SPATA22: variants seen among roughly 807,000 people sequenced by gnomAD.
The protein encoded by SPATA22 is spermatogenesis-associated protein 22.
A neutral mutation model predicts 47.8 loss-of-function variants in SPATA22; 29 were observed. The ratio of observed to expected loss-of-function variants is 0.61; its 90% CI spans 0.45 to 0.83. The LOEUF (loss-of-function observed/expected upper bound fraction) is 0.83. Among genes scored for constraint, SPATA22 ranks in the 40% least tolerant of loss-of-function variants. The probability of loss-of-function intolerance (pLI) is 0.00; values close to 1 mark genes in which losing one functional copy is unlikely to be tolerated. For synonymous variants in SPATA22, 133 were observed against 140.9 expected (o/e 0.94, Z 0.40); for missense variants, 410 against 421.7 (o/e 0.97, Z 0.24).
At chr17:3,468,889 G>T in intron 2 of SPATA22, 1 of 943,092 alleles carries the variant, frequency 1.1e-6, no homozygotes, top group Non-Finnish European at 1.3e-6. Flanking sequence ...CTTGCCATCT[G>T]TCTTTATACT....
At chr17:3,472,998 C>A (rs2073466995), upstream of SPATA22, among the ~76,000 whole-genome samples, 1 of 151,644 alleles carries the variant, frequency 6.6e-6, no homozygotes, top group Admixed American at 6.6e-5. Flanking sequence ...AGAGGAGTTA[C>A]CCAAAACATG....
intron 1 of SPATA22, among the ~76,000 whole-genome samples, chr17:3,505,582 C>A (rs2074032889): frequency 6.6e-6 from 1 of 152,100 alleles, no homozygotes; most frequent in South Asian, 2.1e-4. Context: ...TGGGGAAACC[C>A]TGAAGCCTGA....
chr17:3,451,814 G>C (rs1002133750), intron 5 of SPATA22, among the ~76,000 whole-genome samples: 1 of 151,890 alleles, frequency 6.6e-6, no homozygotes, highest in African/African-American at 2.4e-5. Flanking sequence ...GAGTGTGGTG[G>C]CATGCACCTG....
At chr17:3,497,657 T>C (rs2073931308) in intron 1 of SPATA22, among the ~76,000 whole-genome samples, 2 of 152,338 alleles carry the variant, frequency 1.3e-5, no homozygotes, top group South Asian at 4.1e-4. Context: ...GCCACCAGGA[T>C]GGAGAAAACT....
rs563539635 is a variant in SPATA22 at position 3,449,020 on chromosome 17, T to A, written c.459A>T (p.Gln153His). The A allele has an allele frequency of 6.2e-7, 1 of 1,614,072 alleles. No individual in the cohort carries two copies. Among genetic ancestry groups the A allele is most frequent in the South Asian group, 1.1e-5 (1 of 91,078 alleles). Reference sequence around the variant, plus strand: ...CAGGTATTCTTAATTGTTTTTGTTGTTGAGCTCCCGAACTCACTGGACAAG... The same window carrying A: ...CAGGTATTCTTAATTGTTTTTGTTGATGAGCTCCCGAACTCACTGGACAAG... ...KNSCPVSSGA[Q>H]QQKQLRIPEP... is the part of the protein sequence containing the mutation. Residue 153 changes from glutamine (Q) to histidine (H), a missense_variant, in exon 6 of 9, where the codon CAA (glutamine) becomes CAT (histidine). Gln to His is a conservative substitution (Grantham distance 24, BLOSUM62 0). Transcript: ENST00000572969.
At chr17:3,513,709 T>G (rs778871599) in exon 1 of SPATA22, 37 of 486,748 alleles carry the variant, frequency 7.6e-5, no homozygotes, top group Non-Finnish European at 1.3e-4. Context: ...GTTTGCCAAG[T>G]AACAAAATCC....
intron 1 of SPATA22, among the ~76,000 whole-genome samples, chr17:3,492,359 T>C (rs1451435072): frequency 6.6e-6 from 1 of 152,232 alleles, no homozygotes; most frequent in Non-Finnish European, 1.5e-5. Context: ...CATACTCCTT[T>C]GTGTTCTATC....
chr17:3,470,304 C>A (rs765743960), intron 1 of SPATA22, among the ~76,000 whole-genome samples: 18 of 152,180 alleles, frequency 1.2e-4, no homozygotes, highest in Non-Finnish European at 2.5e-4. Context: ...CACTTGCCCA[C>A]TGCAAGAAGA....
intron 5 of SPATA22, among the ~76,000 whole-genome samples, chr17:3,452,378 G>A (rs1452452302): frequency 6.6e-6 from 1 of 151,392 alleles, no homozygotes; most frequent in Admixed American, 6.6e-5. Flanking sequence ...CGGAGCACAA[G>A]GCCAAGAGAT....
chr17:3,468,483 G>A (rs2073360793), intron 2 of SPATA22: 1 of 152,212 alleles, frequency 6.6e-6, no homozygotes, highest in Admixed American at 6.5e-5. Flanking sequence ...GGAGAATTAT[G>A]TGGGCTCTGG....
intron 1 of SPATA22, chr17:3,498,906 C>A: frequency 6.3e-7 from 1 of 1,598,036 alleles, no homozygotes; most frequent in African/African-American, 1.3e-5. Flanking sequence ...AGACTGGAAA[C>A]CACTGCATCC....
At chr17:3,498,730 G>A (rs1355189425) in intron 1 of SPATA22, among the ~76,000 whole-genome samples, 4 of 152,178 alleles carry the variant, frequency 2.6e-5, no homozygotes, top group Non-Finnish European at 5.9e-5. Context: ...ACGACCCAAT[G>A]TCAGCGCAGT....
chr17:3,480,396 G>A (rs369446607), intron 1 of SPATA22, among the ~76,000 whole-genome samples: 7 of 152,328 alleles, frequency 4.6e-5, no homozygotes, highest in African/African-American at 1.2e-4. Context: ...CCAGTGAGTC[G>A]GGAGTGCTGA....
chr17:3,461,722 T>C (rs1413087675), intron 5 of SPATA22, among the ~76,000 whole-genome samples: 1 of 152,210 alleles, frequency 6.6e-6, no homozygotes, highest in African/African-American at 2.4e-5. Flanking sequence ...TATCTTTATA[T>C]AATAAAAATG....
At chr17:3,508,485 G>C (rs1478831293) in intron 1 of SPATA22, among the ~76,000 whole-genome samples, 40 of 150,520 alleles carry the variant, frequency 2.7e-4, no homozygotes, top group Admixed American at 2.7e-3. Flanking sequence ...CAACAGCAAA[G>C]ACTTGGAACC....
intron 3 of SPATA22, among the ~76,000 whole-genome samples, 184 bp from the exon 4 acceptor site, chr17:3,462,951 G>A (rs541326439): frequency 2.6e-5 from 4 of 152,176 alleles, no homozygotes; most frequent in East Asian, 1.9e-4. Context: ...TTTTATAGAT[G>A]TCTTTCTTAT....
At chr17:3,469,751 G>A (rs1391016834) in intron 1 of SPATA22, among the ~76,000 whole-genome samples, 1 of 152,180 alleles carries the variant, frequency 6.6e-6, no homozygotes, top group Admixed American at 6.5e-5. Flanking sequence ...CAAGGCCAAG[G>A]AGGAAACACA....
rs886052843 is a variant in SPATA22 at position 3,511,552 on chromosome 17, A to G, written c.-74+1860T>C. ...ACTTATGGCTTCCCTTGGTAAACCT[A>G]CCTAGGCTCAGACGTTTTGGCTGAA... On this transcript the variant is annotated intron_variant, in intron 1 of 8. Coordinates refer to the SPATA22 transcript ENST00000541913. 6.6e-6 allele frequency: 1 copy of G among 152,330 alleles called. No individual in the cohort carries two copies. Among genetic ancestry groups the G allele is most frequent in the East Asian group, 1.9e-4 (1 of 5,186 alleles). The allele number at this position is 152,330 out of a possible 1,614,324, so 9.4% of individuals were successfully genotyped here.
rs111890173 is a variant in SPATA22 at position 3,488,919 on chromosome 17, T to C, written c.-73-19521A>G. Among the ~76,000 whole-genome samples the C allele has an allele frequency of 5.9e-5, 9 of 152,340 alleles. No individual in the cohort carries two copies. The South Asian group carries it at 1.7e-3, about 28-fold the overall frequency. On this transcript the variant is annotated intron_variant, in intron 1 of 8. Coordinates refer to the SPATA22 transcript ENST00000541913. The surrounding 1 kb of genome is among the most constrained non-coding windows in gnomAD (Gnocchi z 6.1). Reference sequence around the variant, plus strand: ...CTTGTTCACCTTTTTTACTATGTTATGACTTTTAAATATTTTAGCAATACT... The same window carrying C: ...CTTGTTCACCTTTTTTACTATGTTACGACTTTTAAATATTTTAGCAATACT...
Sources: allele counts gnomAD v4.1 joint callset (sites outside exome capture counted in the v4.1 genomes callset), GRCh38; gene constraint gnomAD v4.1.1; non-coding constraint Gnocchi (gnomAD v3.1); transcripts MANE v1.5; gene names NCBI Gene and HGNC (gene_info 2026-07-23, HGNC 2026-07-21).